MAF: variants seen among roughly 807,000 people sequenced by gnomAD.
MAF encodes MAF bZIP transcription factor.
In MAF, 10 loss-of-function variants were observed where a neutral mutation model predicts 22.0. The ratio of observed to expected loss-of-function variants is 0.45; its 90% CI spans 0.28 to 0.77. The LOEUF is 0.77. Among genes scored for constraint, MAF ranks in the 30% least tolerant of loss-of-function variants. The pLI is 0.12. For missense variants in MAF, 544 were observed against 548.4 expected, an observed-to-expected ratio of 0.99 and a Z score of 0.08; for synonymous variants, 337 against 255.8, an observed-to-expected ratio of 1.32 and a Z score of -3.03.
At chr16:79,226,575 C>T in the MAF span, among the ~76,000 whole-genome samples, 5 of 151,912 alleles carry the variant, frequency 3.3e-5, no homozygotes, top group Non-Finnish European at 5.9e-5. Context: ...GAAAAATGTA[C>T]GTTATAAAAG....
chr16:79,418,796 TC>T, the MAF span, among the ~76,000 whole-genome samples: 1 of 152,186 alleles, frequency 6.6e-6, no homozygotes, highest in South Asian at 2.1e-4. Context: ...TTATCTCATA[TC>T]AGGAGCAAAT....
the MAF span, among the ~76,000 whole-genome samples, chr16:79,502,689 AAATATAAATATAAATATAAATATATATAT>A: frequency 4.8e-4 from 8 of 16,836 alleles, no homozygotes; most frequent in African/African-American, 1.2e-3. Context: ...ATATAAATAT[AAATATAAATATAAATATAAATATATATAT>A]ATATATATAT....
chr16:79,355,445 C>T, the MAF span, among the ~76,000 whole-genome samples: 1 of 152,148 alleles, frequency 6.6e-6, no homozygotes, highest in East Asian at 1.9e-4. Context: ...CTCTGAGGTC[C>T]TCCCATGGCC....
chr16:79,489,664 G>A, the MAF span, among the ~76,000 whole-genome samples: 1 of 152,244 alleles, frequency 6.6e-6, no homozygotes, highest in South Asian at 2.1e-4. Flanking sequence ...TGGCCAAAGA[G>A]ATGGCCCGAG....
At chr16:79,530,462 TTTTA>T in the MAF span, among the ~76,000 whole-genome samples, 1 of 152,146 alleles carries the variant, frequency 6.6e-6, no homozygotes, top group Non-Finnish European at 1.5e-5. Context: ...GGGAAAAAAA[TTTTA>T]TTTTTGTTTT....
chr16:79,279,787 T>A, the MAF span, among the ~76,000 whole-genome samples: 1 of 152,216 alleles, frequency 6.6e-6, no homozygotes, highest in African/African-American at 2.4e-5. Context: ...TTTTCTTTTA[T>A]ATATTTTTTT....
the MAF span, among the ~76,000 whole-genome samples, chr16:79,213,910 T>C: frequency 1.1e-4 from 16 of 152,252 alleles, no homozygotes; most frequent in African/African-American, 3.1e-4. Flanking sequence ...CTACTTCTCT[T>C]ATAATTTGGT....
chr16:79,382,931 C>A, the MAF span, among the ~76,000 whole-genome samples: 1 of 152,090 alleles, frequency 6.6e-6, no homozygotes, highest in Non-Finnish European at 1.5e-5. Context: ...CCTTTCGAGC[C>A]CAGGTCTGTG....
the MAF span, among the ~76,000 whole-genome samples, chr16:79,580,379 C>A: frequency 2.6e-5 from 4 of 152,220 alleles, no homozygotes; most frequent in African/African-American, 9.6e-5. Flanking sequence ...TTCCCCCAAA[C>A]TGCACATGCT....
At chr16:79,265,412 T>G in the MAF span, among the ~76,000 whole-genome samples, 1 of 152,156 alleles carries the variant, frequency 6.6e-6, no homozygotes, top group Non-Finnish European at 1.5e-5. Context: ...CACTTCTCTC[T>G]TTCGCCAGGG....
the MAF span, among the ~76,000 whole-genome samples, chr16:79,524,455 A>G: frequency 6.6e-6 from 1 of 152,214 alleles, no homozygotes; most frequent in Non-Finnish European, 1.5e-5. Flanking sequence ...TGGTCAGCCA[A>G]ATGGGAGCTC....
chr16:79,481,108 T>C, the MAF span, among the ~76,000 whole-genome samples: 6 of 152,222 alleles, frequency 3.9e-5, no homozygotes, highest in Non-Finnish European at 7.3e-5. Context: ...AATTCTGTTC[T>C]GTTCCCACTG....
chr16:79,274,959 C>A, the MAF span, among the ~76,000 whole-genome samples: 2 of 152,178 alleles, frequency 1.3e-5, no homozygotes, highest in African/African-American at 4.8e-5. Flanking sequence ...TGAGCTATAA[C>A]ATAAAGACTA....
the MAF span, among the ~76,000 whole-genome samples, chr16:79,404,353 T>G: frequency 2.6e-5 from 4 of 151,982 alleles, no homozygotes; most frequent in African/African-American, 9.7e-5. Context: ...TAGTAGAGAC[T>G]GGGTTTCACC....
chr16:79,530,246 C>A, the MAF span, among the ~76,000 whole-genome samples: 3 of 152,080 alleles, frequency 2.0e-5, no homozygotes, highest in Non-Finnish European at 4.4e-5. Context: ...CTTAGGGAAA[C>A]CATGACACAA....
the MAF span, among the ~76,000 whole-genome samples, chr16:79,438,263 G>T: frequency 6.6e-6 from 1 of 152,300 alleles, no homozygotes; most frequent in East Asian, 1.9e-4. Context: ...CGTGAGGAAT[G>T]AATCGAGTCA....
At chr16:79,551,558 C>T in the MAF span, among the ~76,000 whole-genome samples, 22 of 152,162 alleles carry the variant, frequency 1.4e-4, no homozygotes, top group Non-Finnish European at 2.4e-4. Flanking sequence ...AATTAAATCC[C>T]TCATTTCCCT....
chr16:79,459,086 A>G, the MAF span, among the ~76,000 whole-genome samples: 1 of 152,148 alleles, frequency 6.6e-6, no homozygotes, highest in Non-Finnish European at 1.5e-5. Context: ...ATCTATCTCC[A>G]TTACTCAGTA....
chr16:79,542,558 A>G, the MAF span, among the ~76,000 whole-genome samples: 2 of 152,184 alleles, frequency 1.3e-5, no homozygotes, highest in Non-Finnish European at 2.9e-5. Flanking sequence ...GGAAAGAAAG[A>G]GGGAACTGCT....
Sources: gnomAD v4.1 joint callset for allele counts (sites outside exome capture counted in the v4.1 genomes callset) on GRCh38, gnomAD v4.1.1 for gene constraint, MANE v1.5 for transcripts, NCBI Gene and HGNC (gene_info 2026-07-23, HGNC 2026-07-21) for gene names.